The following ZNF470 variants were observed in gnomAD, a reference collection of about 807,000 sequenced individuals.
ZNF470 encodes the protein zinc finger protein 470, also known as chondrogenesis zinc finger protein 1.
In ZNF470, 13 loss-of-function variants were observed where a neutral mutation model predicts 13.9. That is an observed-to-expected ratio of 0.94 (90% CI 0.61 to 1.49). The LOEUF (loss-of-function observed/expected upper bound fraction) is 1.49. Among genes scored for constraint, ZNF470 ranks in the 40% most tolerant of loss-of-function variants. The pLI, the probability that ZNF470 is intolerant of heterozygous loss-of-function variation, is 0.00. For synonymous variants in ZNF470, 293 were observed against 282.9 expected (o/e 1.04, Z -0.36); for missense variants, 929 against 857.3 (o/e 1.08, Z -1.04).
chr19:56,571,229 A>G (rs1213852365), intron 3 of ZNF470, among the ~76,000 whole-genome samples: 1 of 152,246 alleles, frequency 6.6e-6, no homozygotes, highest in Non-Finnish European at 1.5e-5. Context: ...GTTGAATACC[A>G]TAATCTGTTT....
Position 56,580,914 on chromosome 19 carries a change from C to T in ZNF470, c.*2331C>T. ...GCTCACTGGAAAAACAGATCTGTAC[C>T]TTTCACACTAATGAAATGCCTGAGA... On this transcript the variant is annotated 3_prime_UTR_variant, in exon 6 of 6. Coordinates refer to ENST00000330619, the MANE Select transcript of ZNF470 (RefSeq NM_001001668.4). 1.1e-5 allele frequency: 11 copies of T among 985,134 alleles called. No homozygotes were observed. The highest frequency in any genetic ancestry group is 1.3e-5 in the Non-Finnish European group (11 of 829,752). 61.0% of individuals were successfully genotyped at this position (985,134 alleles called of 1,614,324 possible). A position where few individuals can be genotyped will look rare whatever the true frequency, so the allele number is the denominator to read the frequency against.
rs747931399 is a variant in ZNF470 at position 56,578,143 on chromosome 19, A to T, written c.1714A>T (p.Lys572Ter). The T allele has an allele frequency of 3.7e-6, 6 of 1,614,126 alleles. 1 individual carries two copies. The South Asian group carries it at 6.6e-5, about 18-fold the overall frequency. The change falls in exon 6 of 6, where the codon AAG becomes TAG. Residue 572 changes from lysine to a stop codon, truncating the protein, a stop_gained. Transcript: ENST00000330619. LOFTEE classifies it low-confidence loss of function (END_TRUNC). ...EKPYECIECGKAFSDGSYLVQ... is the reference protein window; with the variant it reads ...EKPYECIECG ...GCCTTACGAATGTATTGAATGTGGG[A>T]AGGCCTTTAGTGATGGCTCATATCT... is the stretch of plus-strand genomic sequence containing the variant.
At chr19:56,572,381 T>TGTATACAC (rs2044460482) in intron 3 of ZNF470, among the ~76,000 whole-genome samples, 1 of 83,722 alleles carries the variant, frequency 1.2e-5, no homozygotes, top group Admixed American at 1.4e-4. Context: ...AATATATATA[T>TGTATACAC]ATATATATAA....
chr19:56,568,787 G>A lies in ZNF470; in HGVS notation c.-129G>A, dbSNP rs1051564622. The A allele has an allele frequency of 6.6e-6, 1 of 152,176 alleles. No homozygotes were observed. The highest frequency in any genetic ancestry group is 1.5e-5 in the Non-Finnish European group (1 of 68,044). The allele number at this position is 152,176 out of a possible 1,614,324, so 9.4% of individuals were successfully genotyped here. ...AGACACAGAAGCATAGAGAGGATAA[G>A]TAATCACTAGCAAGTGGAAGAACCG... On this transcript the variant is annotated 5_prime_UTR_variant, in exon 2 of 6. Coordinates refer to ENST00000330619, the MANE Select transcript of ZNF470 (RefSeq NM_001001668.4).
At chr19:56,570,943 C>T (rs781200109) in intron 3 of ZNF470, among the ~76,000 whole-genome samples, 6 of 152,260 alleles carry the variant, frequency 3.9e-5, no homozygotes, top group Admixed American at 6.5e-5. Flanking sequence ...GGAAGTCTAC[C>T]GTATTTTAGC....
At chr19:56,576,185 A>G (rs1333772423) in intron 5 of ZNF470, among the ~76,000 whole-genome samples, 1 of 152,198 alleles carries the variant, frequency 6.6e-6, no homozygotes, top group Non-Finnish European at 1.5e-5. Flanking sequence ...TTCTAGAAGA[A>G]TATAATAATG....
intron 3 of ZNF470, among the ~76,000 whole-genome samples, chr19:56,571,707 C>G (rs966076747): frequency 2.7e-5 from 4 of 150,748 alleles, no homozygotes; most frequent in African/African-American, 9.7e-5. Flanking sequence ...CTCCCAGGTT[C>G]AAATGATTCT....
Position 56,579,646 on chromosome 19 carries a change from G to C in ZNF470, c.*1063G>C. On this transcript the variant is annotated 3_prime_UTR_variant, in exon 6 of 6. Transcript: ENST00000330619. ...AAAATGCAATAAGACCTTCCATCTT[G>C]TTCCATGAGATTGACAAGACATGCC... 1 of 985,366 alleles carries C rather than the reference G, an allele frequency of 1.0e-6. No homozygotes were observed. Among genetic ancestry groups the C allele is most frequent in the Non-Finnish European group, 1.2e-6 (1 of 829,930 alleles). 61.0% of individuals were successfully genotyped at this position (985,366 alleles called of 1,614,324 possible).
rs1336757771 is a variant in ZNF470, at chr19:56,577,829, C to G, written c.1400C>G (p.Ser467Cys). 6.2e-7 allele frequency: 1 copy of G among 1,612,948 alleles called. No individual in the cohort carries two copies. Among genetic ancestry groups the G allele is most frequent in the African/African-American group, 1.3e-5 (1 of 74,696 alleles). ...GAGAAAGCCTTCAGCCATCGTGGGT[C>G]TCTTACTCTTCATCAGAGAGTTCAT... is the stretch of plus-strand genomic sequence containing the variant. ...ICEKAFSHRG[S>C]LTLHQRVHTG... The change falls in exon 6 of 6, where the codon TCT (serine) becomes TGT (cysteine). Residue 467 changes from serine (S) to cysteine (C), a missense_variant. By Grantham distance (112) the Ser-to-Cys change is moderately radical. Transcript: ENST00000330619.
In ZNF470 at chr19:56,578,359, A is replaced by G. The variant is rs1310857845; in HGVS notation, c.1930A>G (p.Thr644Ala). Residue 644 changes from threonine to alanine, a missense_variant, in exon 6 of 6, where the codon ACA (threonine) becomes GCA (alanine). Physicochemically the swap from Thr to Ala is moderately conservative, Grantham distance 58. Transcript: ENST00000330619. The part of the protein sequence containing the change: ...KSLTLHQRIH[T>A]GEKPYECKEC... Reference sequence around the variant, plus strand: ...CCTTACTCTGCATCAGAGAATTCATACAGGAGAGAAACCTTATGAGTGTAA... The same window carrying G: ...CCTTACTCTGCATCAGAGAATTCATGCAGGAGAGAAACCTTATGAGTGTAA... 3.7e-6 allele frequency: 6 copies of G among 1,612,162 alleles called. No homozygotes were observed. Among genetic ancestry groups the G allele is most frequent in the Non-Finnish European group, 5.1e-6 (6 of 1,178,978 alleles).
intron 3 of ZNF470, among the ~76,000 whole-genome samples, chr19:56,571,008 C>G (rs1034306622): frequency 6.6e-6 from 1 of 152,202 alleles, no homozygotes; most frequent in Non-Finnish European, 1.5e-5. Context: ...CTGCACCATC[C>G]TACTCACTGC....
In ZNF470 at chr19:56,577,516, A is replaced by G. The variant is rs1406128364; in HGVS notation, c.1087A>G (p.Thr363Ala). ...CCTAGCTCATCATCGAAGGATTCAC[A>G]CTGGGAAAAGACCTTATGAATGTAT... ...SSLAHHRRIHTGKRPYECIDC... is the reference protein window; with the variant it reads ...SSLAHHRRIHAGKRPYECIDC... The change falls in exon 6 of 6, where the codon ACT becomes GCT. Residue 363 changes from threonine to alanine, a missense_variant. Transcript: ENST00000330619. 1 of 1,613,568 alleles carries G rather than the reference A, an allele frequency of 6.2e-7. No homozygotes were observed. The highest frequency in any genetic ancestry group is 1.3e-5 in the African/African-American group (1 of 74,908).
rs976033730 is a variant in ZNF470 at position 56,581,912 on chromosome 19, G to T, written c.*3329G>T. 17 of 985,350 alleles carry T rather than the reference G, an allele frequency of 1.7e-5. No individual in the cohort carries two copies. Among genetic ancestry groups the T allele is most frequent in the Non-Finnish European group, 2.0e-5 (17 of 829,918 alleles). 61.0% of individuals were successfully genotyped at this position (985,350 alleles called of 1,614,324 possible). ...GCAGTTATTCTTTTGATTGGTCCTTGGAACCACCCTGGTTTTTGTACTTTC... is the reference window on the plus strand; with the variant it reads ...GCAGTTATTCTTTTGATTGGTCCTTTGAACCACCCTGGTTTTTGTACTTTC... On this transcript the variant is annotated 3_prime_UTR_variant, in exon 6 of 6. Transcript: ENST00000330619.
At position 56,574,712 on chromosome 19, in the gene ZNF470, A is replaced by T; in HGVS notation, c.262A>T (p.Met88Leu). 1 of 1,613,746 alleles carries T rather than the reference A, an allele frequency of 6.2e-7. No homozygotes were observed. Among genetic ancestry groups the T allele is most frequent in the Non-Finnish European group, 8.5e-7 (1 of 1,179,768 alleles). Residue 88 changes from methionine (M) to leucine (L), a missense_variant, in exon 5 of 6, where the codon ATG becomes TTG. By Grantham distance (15) the Met-to-Leu change is conservative (BLOSUM62 2). Transcript: ENST00000330619. ...EKDPWVIKGG[M>L]NRGLCPDLEC... ...AGACCCTTGGGTGATAAAAGGAGGGATGAACAGAGGCCTGTGCCCAGGTAA... is the reference window on the plus strand; with the variant it reads ...AGACCCTTGGGTGATAAAAGGAGGGTTGAACAGAGGCCTGTGCCCAGGTAA...
intron 2 of ZNF470, among the ~76,000 whole-genome samples, chr19:56,569,546 G>A (rs1475961506): frequency 1.3e-5 from 2 of 152,186 alleles, no homozygotes; most frequent in Non-Finnish European, 2.9e-5. Context: ...AAATTTGTGT[G>A]ACTTGTGGAA....
At chr19:56,572,393 T>TGTATA (rs1555772242) in intron 3 of ZNF470, among the ~76,000 whole-genome samples, 1 of 88,470 alleles carries the variant, frequency 1.1e-5, no homozygotes, top group African/African-American at 5.9e-5. Flanking sequence ...TATATATAAA[T>TGTATA]TAGCCAGGTG....
In ZNF470 at chr19:56,579,149, C is replaced by A; in HGVS notation, c.*566C>A. ...TAGAACAAAAGCTTTTAGCTGGGTG[C>A]GGTGGCTCATGCCTGTAGTCCCAGC... On this transcript the variant is annotated 3_prime_UTR_variant, in exon 6 of 6. Transcript: ENST00000330619. 1 of 985,410 alleles carries A rather than the reference C, an allele frequency of 1.0e-6. No homozygotes were observed. Among genetic ancestry groups the A allele is most frequent in the Non-Finnish European group, 1.2e-6 (1 of 829,932 alleles). 61.0% of individuals were successfully genotyped at this position (985,410 alleles called of 1,614,324 possible).
Position 56,570,355 on chromosome 19 carries a change from G to A in ZNF470, c.44G>A (p.Cys15Tyr). The A allele has an allele frequency of 2.5e-6, 4 of 1,614,124 alleles. No homozygotes were observed. Among genetic ancestry groups the A allele is most frequent in the African/African-American group, 1.3e-5 (1 of 75,020 alleles). The change falls in exon 3 of 6, where the codon TGT (cysteine) becomes TAT (tyrosine). Residue 15 changes from cysteine (C) to tyrosine (Y), a missense_variant. Coordinates refer to ENST00000330619, the MANE Select transcript of ZNF470 (RefSeq NM_001001668.4). ...EEVEVAGIKL[C>Y]KAMSLGSVTF... Reference sequence around the variant, plus strand: ...GTAGAGGTGGCAGGAATTAAACTTTGTAAAGCCATGTCCCTGGTGAGTTAG... The same window carrying A: ...GTAGAGGTGGCAGGAATTAAACTTTATAAAGCCATGTCCCTGGTGAGTTAG...
chr19:56,578,612 C>A lies in ZNF470; in HGVS notation c.*29C>A. On this transcript the variant is annotated 3_prime_UTR_variant, in exon 6 of 6. Coordinates refer to ENST00000330619, the MANE Select transcript of ZNF470 (RefSeq NM_001001668.4). ...CAATCTCGTAAATGCTTCTAGCATC[C>A]ATCTGCTTTTTTCCAGCACATGTCC... 6.8e-7 allele frequency: 1 copy of A among 1,468,306 alleles called. No individual in the cohort carries two copies. Among genetic ancestry groups the A allele is most frequent in the Non-Finnish European group, 9.0e-7 (1 of 1,107,228 alleles). The allele number at this position is 1,468,306 out of a possible 1,614,324, so 91.0% of individuals were successfully genotyped here. A position where few individuals can be genotyped will look rare whatever the true frequency, so the allele number is the denominator to read the frequency against.
Sources: gnomAD v4.1 joint callset for allele counts (sites outside exome capture counted in the v4.1 genomes callset) on GRCh38, gnomAD v4.1.1 for gene constraint, MANE v1.5 for transcripts, NCBI Gene and HGNC (gene_info 2026-07-23, HGNC 2026-07-21) for gene names.